PCDHA3: variants seen among roughly 807,000 people sequenced by gnomAD.
PCDHA3 encodes protocadherin alpha-3.
Under a neutral mutation model 62.2 loss-of-function variants are expected in PCDHA3, and 41 were observed. That is an observed-to-expected ratio of 0.66 (90% CI 0.51 to 0.86). The LOEUF is 0.86. PCDHA3 is among the 40% of genes least tolerant of loss of function. The pLI is 0.00. For missense variants in PCDHA3, 1,304 were observed against 1,241.2 expected, an observed-to-expected ratio of 1.05 and a Z score of -0.76; for synonymous variants, 640 against 555.4, an observed-to-expected ratio of 1.15 and a Z score of -2.14.
intron 1 of PCDHA3, chr5:140,859,549 C>A (rs958434264): frequency 5.0e-5 from 9 of 181,676 alleles, no homozygotes; most frequent in Non-Finnish European, 9.0e-5. Context: ...CTAGTGTTAC[C>A]AAACACCAAT....
In PCDHA3 at chr5:140,886,468, T is replaced by C. The variant is rs138596929; in HGVS notation, c.2394+82877T>C. The stretch of plus-strand genomic sequence containing the variant: ...TAATTTTGTCATATATAAATGTTTT[T>C]AAAATGTATGAATTAAAATATATCT... On this transcript the variant is annotated intron_variant, in intron 1 of 3. Coordinates refer to ENST00000522353, the MANE Select transcript of PCDHA3 (RefSeq NM_018906.3). Among the ~76,000 whole-genome samples, 1,063 of 152,318 alleles carry C rather than the reference T, an allele frequency of 7.0e-3. 10 individuals carry two copies. Among genetic ancestry groups the C allele is most frequent in the Non-Finnish European group, 0.012 (787 of 68,024 alleles).
At position 140,857,447 on chromosome 5, in the gene PCDHA3, A is replaced by G; in HGVS notation, c.2394+53856A>G. On this transcript the variant is annotated intron_variant, in intron 1 of 3. Transcript: ENST00000522353. ...GTACACGGTGTTCGTGAAGGAGAACAACCCGCCAGGCTGCCACATCTTCAC... is the reference window on the plus strand; with the variant it reads ...GTACACGGTGTTCGTGAAGGAGAACGACCCGCCAGGCTGCCACATCTTCAC... 2 of 1,598,502 alleles carry G rather than the reference A, an allele frequency of 1.3e-6. 1 individual carries two copies. The highest frequency in any genetic ancestry group is 1.7e-6 in the Non-Finnish European group (2 of 1,167,850).
chr5:140,999,368 A>G (rs549083218), intron 3 of PCDHA3, among the ~76,000 whole-genome samples: 1 of 152,280 alleles, frequency 6.6e-6, no homozygotes, highest in African/African-American at 2.4e-5. Context: ...TCACAATCCC[A>G]TTAGATGGTT....
chr5:140,985,878 T>A (rs891027308), intron 3 of PCDHA3, among the ~76,000 whole-genome samples: 1 of 151,822 alleles, frequency 6.6e-6, no homozygotes, highest in South Asian at 2.1e-4. Flanking sequence ...TAGCTGGGAC[T>A]ACAGGCGCCC....
chr5:140,968,134 G>C, intron 1 of PCDHA3: 1 of 1,614,146 alleles, frequency 6.2e-7, no homozygotes, highest in Non-Finnish European at 8.5e-7. Context: ...GTACACTGAA[G>C]GTTGAGATCT....
chr5:140,988,156 C>A (rs546335543), intron 3 of PCDHA3, among the ~76,000 whole-genome samples: 1 of 152,054 alleles, frequency 6.6e-6, no homozygotes, highest in Non-Finnish European at 1.5e-5. Flanking sequence ...CAACTTCTGC[C>A]GTTGTCATAG....
At chr5:140,842,699 T>A in intron 1 of PCDHA3, 3 of 1,595,060 alleles carry the variant, frequency 1.9e-6, no homozygotes, top group Non-Finnish European at 2.6e-6. Context: ...GCAGCCCGAG[T>A]ACACGGTGTT....
intron 1 of PCDHA3, chr5:140,867,518 A>T (rs2050002627): frequency 6.6e-6 from 1 of 152,128 alleles, no homozygotes; most frequent in Non-Finnish European, 1.5e-5. Context: ...TCAAATTAAT[A>T]GTTGAATATA....
At chr5:140,877,549 C>T in intron 1 of PCDHA3, 1 of 1,613,788 alleles carries the variant, frequency 6.2e-7, no homozygotes, top group Non-Finnish European at 8.5e-7. Flanking sequence ...CGAAGCGGCT[C>T]TGGTGGATAT....
In PCDHA3 at chr5:140,882,919, A is replaced by G. The variant is rs781879301; in HGVS notation, c.2394+79328A>G. 7.4e-6 allele frequency: 12 copies of G among 1,614,104 alleles called. No homozygotes were observed. In the East Asian group the frequency reaches 2.7e-4, roughly 36 times the overall value. The stretch of plus-strand genomic sequence containing the variant: ...GTTTATTACTGACAGCCAGTGATGG[A>G]GGTAAACCCGAGCTGACTGGCACAG... On this transcript the variant is annotated intron_variant, in intron 1 of 3. Coordinates refer to ENST00000522353, the MANE Select transcript of PCDHA3 (RefSeq NM_018906.3).
intron 1 of PCDHA3, among the ~76,000 whole-genome samples, chr5:140,954,400 A>G (rs1349668578): frequency 6.6e-6 from 1 of 152,214 alleles, no homozygotes; most frequent in East Asian, 1.9e-4. Context: ...CAACCCCACC[A>G]ACAGGGTAAA....
chr5:140,948,496 A>C (rs1258443825), intron 1 of PCDHA3, among the ~76,000 whole-genome samples: 1 of 151,522 alleles, frequency 6.6e-6, no homozygotes, highest in African/African-American at 2.4e-5. Context: ...TCTTTCATAG[A>C]CTTTCTATTA....
At chr5:140,836,796 C>T (rs2150270125) in intron 1 of PCDHA3, 1 of 1,377,882 alleles carries the variant, frequency 7.3e-7, no homozygotes, top group Admixed American at 2.4e-5. Flanking sequence ...CAATTGGTCT[C>T]CTTAAATTTT....
At chr5:140,821,492 A>G (rs2150109637) in intron 1 of PCDHA3, 154 of 305,448 alleles carry the variant, frequency 5.0e-4, no homozygotes, top group Middle Eastern at 9.3e-4. Context: ...CTTGAGAAAT[A>G]TTGACGAATA....
intron 1 of PCDHA3, chr5:140,841,827 C>T: frequency 6.2e-7 from 1 of 1,613,914 alleles, no homozygotes; most frequent in Non-Finnish European, 8.5e-7. Flanking sequence ...TCCGTGTTAA[C>T]CTACAGGCTT....
Position 140,861,683 on chromosome 5 carries a change from C to G in PCDHA3, c.2394+58092C>G, listed in dbSNP as rs1386318519. ...GAGAGCTCTTGATTATCGTGTTTCA[C>G]TAGAGGGTGTCTGTGATGCCGACGT... On this transcript the variant is annotated intron_variant, in intron 1 of 3. Coordinates refer to ENST00000522353, the MANE Select transcript of PCDHA3 (RefSeq NM_018906.3). 2.1e-5 allele frequency: 5 copies of G among 233,410 alleles called. No homozygotes were observed. The East Asian group carries it at 3.6e-4, about 17-fold the overall frequency. 14.5% of individuals were successfully genotyped at this position (233,410 alleles called of 1,614,324 possible).
intron 1 of PCDHA3, chr5:140,815,662 T>G (rs1765776092): frequency 1.3e-5 from 2 of 152,180 alleles, no homozygotes; most frequent in Admixed American, 1.3e-4. Context: ...ATATTTATCT[T>G]TACTAGTGAG....
At chr5:140,908,342 A>G (rs542660039) in intron 1 of PCDHA3, among the ~76,000 whole-genome samples, 48 of 152,196 alleles carry the variant, frequency 3.2e-4, no homozygotes, top group Non-Finnish European at 5.3e-4. Flanking sequence ...TTGAGCCACT[A>G]CCTCATGTAA....
chr5:140,828,404 C>A, intron 1 of PCDHA3: 1 of 1,614,252 alleles, frequency 6.2e-7, no homozygotes, highest in Non-Finnish European at 8.5e-7. Context: ...GTGCAGCATC[C>A]ACCTGGAGGT....
Sources: allele counts gnomAD v4.1 joint callset (sites outside exome capture counted in the v4.1 genomes callset), GRCh38; gene constraint gnomAD v4.1.1; transcripts MANE v1.5; gene names NCBI Gene and HGNC (gene_info 2026-07-23, HGNC 2026-07-21).